The following TSPAN9 variants were observed in gnomAD, a reference collection of about 807,000 sequenced individuals.
TSPAN9 encodes the protein tetraspanin-9.
Under a neutral mutation model 31.0 loss-of-function variants are expected in TSPAN9, and 16 were observed. The ratio of observed to expected loss-of-function variants is 0.52; its 90% confidence interval spans 0.35 to 0.78. The LOEUF is 0.78. Ranked by LOEUF, TSPAN9 falls within the 30% of genes least tolerant of loss-of-function variation. The pLI is 0.01. For missense variants in TSPAN9, 272 were observed against 312.5 expected (o/e 0.87, Z 0.98); for synonymous variants, 145 against 121.6 (o/e 1.19, Z -1.27).
chr12:3,091,347 A>G (rs2098304488), intron 2 of TSPAN9, among the ~76,000 whole-genome samples: 1 of 152,140 alleles, frequency 6.6e-6, no homozygotes, highest in South Asian at 2.1e-4. Flanking sequence ...GACTTCCCGC[A>G]AGGTGTTCGT....
At chr12:3,241,031 G>A (rs1250246951) in intron 3 of TSPAN9, among the ~76,000 whole-genome samples, 11 of 152,188 alleles carry the variant, frequency 7.2e-5, no homozygotes, top group Admixed American at 5.9e-4. Context: ...CTGGTTGGGT[G>A]TAAGGTGTTA....
chr12:3,257,965 A>G (rs644135), intron 3 of TSPAN9, among the ~76,000 whole-genome samples: 152,122 of 152,296 alleles, frequency 1, 75,974 homozygotes, highest in Non-Finnish European at 1. Context: ...AGCCATGTTT[A>G]TGGGATGACA....
At chr12:3,174,935 A>T (rs963794898) in intron 2 of TSPAN9, among the ~76,000 whole-genome samples, 7 of 152,212 alleles carry the variant, frequency 4.6e-5, no homozygotes, top group Non-Finnish European at 8.8e-5. Flanking sequence ...CTGATTTGGT[A>T]GTGTGAGAAG....
intron 3 of TSPAN9, among the ~76,000 whole-genome samples, chr12:3,209,457 G>T (rs1446142727): frequency 6.6e-6 from 1 of 152,150 alleles, no homozygotes; most frequent in Non-Finnish European, 1.5e-5. Context: ...TGGTGTACAT[G>T]TGGAGGCGTT....
chr12:3,226,128 C>T (rs2098387020), intron 3 of TSPAN9, among the ~76,000 whole-genome samples: 1 of 151,728 alleles, frequency 6.6e-6, no homozygotes, highest in South Asian at 2.1e-4. Context: ...GACAGGATTG[C>T]TCTGGCTGAG....
chr12:3,178,613 C>T (rs962678552), intron 2 of TSPAN9, among the ~76,000 whole-genome samples: 7 of 152,188 alleles, frequency 4.6e-5, no homozygotes, highest in Non-Finnish European at 1.0e-4. Context: ...TTCTGATGCT[C>T]GTGCTTATCC....
chr12:3,203,441 G>A (rs956395255), intron 3 of TSPAN9, among the ~76,000 whole-genome samples: 1 of 152,200 alleles, frequency 6.6e-6, no homozygotes, highest in Non-Finnish European at 1.5e-5. Context: ...CATAGCTATG[G>A]GATGACAAGC....
At chr12:3,204,261 C>T (rs2098373657) in intron 3 of TSPAN9, among the ~76,000 whole-genome samples, 1 of 152,242 alleles carries the variant, frequency 6.6e-6, no homozygotes, top group African/African-American at 2.4e-5. Flanking sequence ...GCTGCCGCCA[C>T]ACCACCCCGC....
intron 3 of TSPAN9, among the ~76,000 whole-genome samples, chr12:3,270,178 C>T (rs1470096848): frequency 6.6e-6 from 1 of 152,166 alleles, no homozygotes; most frequent in Non-Finnish European, 1.5e-5. Flanking sequence ...AGGAAGAAGG[C>T]CTGTGGGTCA....
At chr12:3,178,754 T>G (rs1187374542) in intron 2 of TSPAN9, among the ~76,000 whole-genome samples, 1 of 152,182 alleles carries the variant, frequency 6.6e-6, no homozygotes, top group Non-Finnish European at 1.5e-5. Context: ...GTGGTGTGTC[T>G]GGGTGGGGGT....
chr12:3,079,796 A>C (rs1028319601), intron 1 of TSPAN9, among the ~76,000 whole-genome samples: 1 of 139,632 alleles, frequency 7.2e-6, no homozygotes, highest in Non-Finnish European at 1.5e-5. Flanking sequence ...TTTTAGAGAC[A>C]GGGTCTTGCT....
intron 2 of TSPAN9, among the ~76,000 whole-genome samples, chr12:3,121,025 G>A (rs1220831661): frequency 6.7e-6 from 1 of 149,906 alleles, no homozygotes; most frequent in Non-Finnish European, 1.5e-5. Context: ...GCAGGTTGTG[G>A]CTCAGTCACA....
At chr12:3,104,950 C>T (rs1056872354) in intron 2 of TSPAN9, among the ~76,000 whole-genome samples, 2 of 152,150 alleles carry the variant, frequency 1.3e-5, no homozygotes, top group African/African-American at 2.4e-5. Flanking sequence ...GCAGGGGGAC[C>T]CTGTTCCTGT....
At chr12:3,243,603 C>T (rs775035629) in intron 3 of TSPAN9, among the ~76,000 whole-genome samples, 8 of 152,174 alleles carry the variant, frequency 5.3e-5, no homozygotes, top group East Asian at 1.9e-4. Context: ...AAGCTTCAGT[C>T]GTGGGGACCG....
At chr12:3,096,122 G>A (rs1054043604) in intron 2 of TSPAN9, among the ~76,000 whole-genome samples, 1 of 152,166 alleles carries the variant, frequency 6.6e-6, no homozygotes, top group Admixed American at 6.5e-5. Flanking sequence ...GCGGTCGGGC[G>A]GCGGCGGCTG....
At chr12:3,157,737 C>T (rs2098343001) in intron 2 of TSPAN9, among the ~76,000 whole-genome samples, 1 of 152,188 alleles carries the variant, frequency 6.6e-6, no homozygotes, top group Admixed American at 6.5e-5. Flanking sequence ...AGGCCGTGTT[C>T]TTCCATTCCC....
Position 3,280,484 on chromosome 12 carries a change from G to A in TSPAN9, c.432+1G>A. 1.2e-6 allele frequency: 2 copies of A among 1,611,128 alleles called. No individual in the cohort carries two copies. The highest frequency in any genetic ancestry group is 1.7e-6 in the Non-Finnish European group (2 of 1,179,736). ...CGCCTGGAACATCATCCAGGCTGAG[G>A]TGCGGGCTGGGCCGCCCTGGTGGGG... On this transcript the variant is annotated splice_donor_variant, in intron 6 of 8. Coordinates refer to ENST00000011898, the MANE Select transcript of TSPAN9 (RefSeq NM_006675.5). LOFTEE classifies it high-confidence loss of function. This position sits in a 1 kb window ranked among gnomAD's most constrained non-coding sequence, Gnocchi z 4.5.
intron 3 of TSPAN9, among the ~76,000 whole-genome samples, chr12:3,275,064 A>C (rs1307962142): frequency 6.6e-6 from 1 of 152,234 alleles, no homozygotes; most frequent in African/African-American, 2.4e-5. Context: ...GAAGGCTCCC[A>C]GGTGGGTCTG....
At chr12:3,271,518 A>G (rs1447509260) in intron 3 of TSPAN9, among the ~76,000 whole-genome samples, 4 of 150,226 alleles carry the variant, frequency 2.7e-5, no homozygotes, top group African/African-American at 9.9e-5. Flanking sequence ...AATAAGAAAG[A>G]ATTCCTGGCT....
Sources: allele counts gnomAD v4.1 joint callset (sites outside exome capture counted in the v4.1 genomes callset), GRCh38; gene constraint gnomAD v4.1.1; non-coding constraint Gnocchi (gnomAD v3.1); transcripts MANE v1.5; gene names NCBI Gene and HGNC (gene_info 2026-07-23, HGNC 2026-07-21).